RBFOX1: variants seen among roughly 807,000 people sequenced by gnomAD.
RBFOX1 encodes RNA binding fox-1 homolog 1.
Under a neutral mutation model 57.7 loss-of-function variants are expected in RBFOX1, and 8 were observed. That is an observed-to-expected ratio of 0.14 (90% CI 0.08 to 0.25). RBFOX1 has a LOEUF of 0.25. Ranked by LOEUF, RBFOX1 falls within the 10% of genes least tolerant of loss-of-function variation. The probability of loss-of-function intolerance (pLI) is 1.00; values close to 1 mark genes in which losing one functional copy is unlikely to be tolerated. For synonymous variants in RBFOX1, 326 were observed against 222.4 expected (o/e 1.47, Z -4.15); for missense variants, 611 against 548.5 (o/e 1.11, Z -1.14).
At chr16:6,083,140 C>T (rs1413476360) in intron 1 of RBFOX1, among the ~76,000 whole-genome samples, 3 of 152,020 alleles carry the variant, frequency 2.0e-5, no homozygotes, top group Admixed American at 2.0e-4. Flanking sequence ...TAGCTGGGAC[C>T]AGAGGCATGC....
intron 4 of RBFOX1, among the ~76,000 whole-genome samples, chr16:7,144,417 CTTTTTT>C (rs1190886141): frequency 3.0e-5 from 2 of 66,914 alleles, no homozygotes; most frequent in African/African-American, 6.1e-5. Flanking sequence ...TTTCTTTCTT[CTTTTTT>C]TTTTTTTTTT....
chr16:5,246,914 G>C (rs2062315797), intron 1 of RBFOX1, among the ~76,000 whole-genome samples: 1 of 152,096 alleles, frequency 6.6e-6, no homozygotes, highest in East Asian at 1.9e-4. Flanking sequence ...CAAGCAATCT[G>C]CCGGCCTCAG....
chr16:7,274,603 G>A (rs1266661569), intron 4 of RBFOX1, among the ~76,000 whole-genome samples: 1 of 152,074 alleles, frequency 6.6e-6, no homozygotes, highest in Non-Finnish European at 1.5e-5. Flanking sequence ...TATGGGCCAC[G>A]TTTGAAGGGT....
chr16:6,805,221 A>C (rs1455500398), intron 3 of RBFOX1, among the ~76,000 whole-genome samples: 1 of 152,248 alleles, frequency 6.6e-6, no homozygotes, highest in African/African-American at 2.4e-5. Flanking sequence ...ATAAAAAATG[A>C]GATCCTGTCT....
chr16:5,330,161 G>T (rs2064709903), intron 1 of RBFOX1, among the ~76,000 whole-genome samples: 1 of 151,970 alleles, frequency 6.6e-6, no homozygotes, highest in Admixed American at 6.6e-5. Context: ...TCGCTTTCTG[G>T]GTTGCAATTT....
chr16:7,163,137 T>G (rs1188443366), intron 4 of RBFOX1, among the ~76,000 whole-genome samples: 1 of 152,080 alleles, frequency 6.6e-6, no homozygotes, highest in Non-Finnish European at 1.5e-5. Context: ...AGCTCAACAC[T>G]TTTGACATTT....
chr16:6,791,962 C>G (rs1332102364), intron 3 of RBFOX1, among the ~76,000 whole-genome samples: 2 of 152,104 alleles, frequency 1.3e-5, no homozygotes, highest in Admixed American at 6.6e-5. Context: ...ATTCTATTCC[C>G]AAATGTGTCT....
At chr16:7,280,826 C>T (rs2095526105) in intron 4 of RBFOX1, among the ~76,000 whole-genome samples, 1 of 152,028 alleles carries the variant, frequency 6.6e-6, no homozygotes, top group South Asian at 2.1e-4. Context: ...TCCAGTATCC[C>T]CTGGGGTGCA....
At chr16:6,945,780 A>G (rs1188776697) in intron 3 of RBFOX1, among the ~76,000 whole-genome samples, 1 of 152,178 alleles carries the variant, frequency 6.6e-6, no homozygotes, top group Non-Finnish European at 1.5e-5. Context: ...AATCCCAGCT[A>G]CTTCGGAGGC....
chr16:6,419,146 A>G (rs575983654), intron 2 of RBFOX1, among the ~76,000 whole-genome samples: 1 of 152,244 alleles, frequency 6.6e-6, no homozygotes, highest in African/African-American at 2.4e-5. Context: ...CCTTTTTCCA[A>G]ACCTTCAATT....
chr16:6,887,346 T>C (rs989454206), intron 3 of RBFOX1, among the ~76,000 whole-genome samples: 3 of 152,160 alleles, frequency 2.0e-5, no homozygotes, highest in Non-Finnish European at 2.9e-5. Flanking sequence ...GTAAAGTAAG[T>C]TGAGAAGTTG....
At chr16:7,053,474 G>C (rs921734218) in intron 4 of RBFOX1, among the ~76,000 whole-genome samples, 1 of 152,116 alleles carries the variant, frequency 6.6e-6, no homozygotes, top group African/African-American at 2.4e-5. Flanking sequence ...TGTTTGGATG[G>C]GGACGATGGT....
At chr16:7,120,695 A>AG (rs1491443159) in intron 4 of RBFOX1, among the ~76,000 whole-genome samples, 5 of 57,174 alleles carry the variant, frequency 8.7e-5, no homozygotes, top group Non-Finnish European at 1.4e-4. Context: ...TAATGTTGGG[A>AG]AAAAAAAAAA....
intron 3 of RBFOX1, among the ~76,000 whole-genome samples, chr16:6,982,704 T>C (rs1321685796): frequency 1.3e-5 from 2 of 152,110 alleles, no homozygotes; most frequent in Non-Finnish European, 2.9e-5. Context: ...TTGAAAGATG[T>C]GGAACTGGCC....
intron 11 of RBFOX1, 99 bp downstream of exon 11, chr16:7,630,782 CCT>C: frequency 6.5e-7 from 1 of 1,539,370 alleles, no homozygotes. Context: ...TCTGCCCCAC[CCT>C]CTCTTGTGGC....
In RBFOX1 at chr16:5,856,286, C is replaced by T. The variant is rs7196074; in HGVS notation, c.319-11017C>T. ...GTATATATATATACACATATATATA[C>T]ACACACACACACACACACACACACA... On this transcript the variant is annotated intron_variant, in intron 3 of 19. Coordinates refer to the RBFOX1 transcript ENST00000641259. Among the ~76,000 whole-genome samples the T allele has an allele frequency of 9.9e-3, 38 of 3,834 alleles. 4 individuals are homozygous for T. The highest frequency in any genetic ancestry group is 0.03 in the South Asian group (6 of 200). The allele number at this position is 3,834 out of a possible 152,430, so 2.5% of individuals were successfully genotyped here. A position where few individuals can be genotyped will look rare whatever the true frequency, so the allele number is the denominator to read the frequency against.
chr16:7,056,449 C>G (rs2052305606), intron 4 of RBFOX1, among the ~76,000 whole-genome samples: 1 of 152,182 alleles, frequency 6.6e-6, no homozygotes, highest in Non-Finnish European at 1.5e-5. Flanking sequence ...ATCCTATAGG[C>G]TGTATTTACC....
intron 1 of RBFOX1, among the ~76,000 whole-genome samples, chr16:6,116,960 C>T (rs1482889880): frequency 2.0e-5 from 3 of 152,100 alleles, no homozygotes; most frequent in Admixed American, 6.6e-5. Flanking sequence ...GGATAATCTC[C>T]GTTGGCAGAT....
chr16:6,036,125 G>T (rs931117404), intron 1 of RBFOX1, among the ~76,000 whole-genome samples: 1 of 152,152 alleles, frequency 6.6e-6, no homozygotes, highest in Non-Finnish European at 1.5e-5. Context: ...GACACAAAAC[G>T]CTTTGTGTAC....
Sources: allele counts gnomAD v4.1 joint callset (sites outside exome capture counted in the v4.1 genomes callset), GRCh38; gene constraint gnomAD v4.1.1; transcripts MANE v1.5; gene names NCBI Gene and HGNC (gene_info 2026-07-23, HGNC 2026-07-21).